THOC1: variants seen among roughly 807,000 people sequenced by gnomAD.
THOC1 encodes the protein THO complex subunit 1, also known as THO complex 1.
Under a neutral mutation model 97.3 loss-of-function variants are expected in THOC1, and 29 were observed. The ratio of observed to expected loss-of-function variants is 0.30; its 90% CI spans 0.22 to 0.41. The LOEUF (loss-of-function observed/expected upper bound fraction) is 0.41, where lower values mean the gene tolerates loss of function less well. Among genes scored for constraint, THOC1 ranks in the 10% least tolerant of loss-of-function variants. THOC1 has a pLI of 1.00. For missense variants in THOC1, 529 were observed against 761.9 expected (o/e 0.69, Z 3.60); for synonymous variants, 255 against 257.0 (o/e 0.99, Z 0.07).
chr18:225,991 C>T (rs1356088653), intron 12 of THOC1: 1 of 152,342 alleles, frequency 6.6e-6, no homozygotes, highest in Non-Finnish European at 1.5e-5. Flanking sequence ...TACCGTGTCT[C>T]ACTGATTTGC....
At chr18:265,155 G>A (rs946378243) in intron 3 of THOC1, 148 bp downstream of exon 3, 10 of 643,106 alleles carry the variant, frequency 1.6e-5, no homozygotes, top group Non-Finnish European at 2.4e-5. Flanking sequence ...TAGAGAAATC[G>A]TATAGTCATC....
intron 20 of THOC1, among the ~76,000 whole-genome samples, chr18:215,145 G>A (rs572136978): frequency 6.6e-6 from 1 of 152,302 alleles, no homozygotes; most frequent in Non-Finnish European, 1.5e-5. Context: ...TCCCTGAAAT[G>A]AGGTGCTCCC....
chr18:238,659 A>G (rs761007870), intron 11 of THOC1, among the ~76,000 whole-genome samples: 1 of 152,240 alleles, frequency 6.6e-6, no homozygotes, highest in African/African-American at 2.4e-5. Flanking sequence ...TATATAATCT[A>G]TAATCTTACA....
chr18:250,568 A>G (rs1421409075), intron 9 of THOC1, among the ~76,000 whole-genome samples: 1 of 152,226 alleles, frequency 6.6e-6, no homozygotes, highest in Non-Finnish European at 1.5e-5. Flanking sequence ...TATACATTGA[A>G]ATTTCTTAAC....
chr18:223,783 G>A (rs1911174233), intron 16 of THOC1, among the ~76,000 whole-genome samples: 1 of 152,096 alleles, frequency 6.6e-6, no homozygotes, highest in African/African-American at 2.4e-5. Context: ...TAACTGGAAG[G>A]TAAGAGAACT....
chr18:260,107 T>G (rs1912557149), intron 5 of THOC1, 79 bp downstream of exon 5: 2 of 925,314 alleles, frequency 2.2e-6, no homozygotes, highest in South Asian at 5.1e-5. Flanking sequence ...ACAAATAAAT[T>G]TAAAAAAAAA....
intron 11 of THOC1, among the ~76,000 whole-genome samples, chr18:231,705 C>T (rs1911491321): frequency 1.3e-5 from 2 of 152,174 alleles, no homozygotes. Flanking sequence ...TATAACCCTC[C>T]CCACTCCTAT....
At chr18:234,727 T>C (rs1209991628) in intron 11 of THOC1, among the ~76,000 whole-genome samples, 1 of 152,068 alleles carries the variant, frequency 6.6e-6, no homozygotes, top group Non-Finnish European at 1.5e-5. Flanking sequence ...TGATGAACCA[T>C]ACTTACATTC....
intron 1 of THOC1, among the ~76,000 whole-genome samples, chr18:267,646 T>C (rs1037677594): frequency 1.3e-5 from 2 of 151,996 alleles, no homozygotes; most frequent in African/African-American, 4.8e-5. Context: ...TCGAGACACC[T>C]GCCCCACTAA....
Position 224,148 on chromosome 18 carries a change from G to A in THOC1, c.1240C>T (p.Arg414Trp), listed in dbSNP as rs947264802. The A allele has an allele frequency of 6.2e-6, 10 of 1,610,702 alleles. No individual in the cohort carries two copies. In the East Asian group the frequency reaches 8.9e-5, roughly 14 times the overall value. Residue 414 changes from arginine to tryptophan, a missense_variant, in exon 16 of 21, where the codon CGG becomes TGG. Physicochemically the swap from Arg to Trp is moderately radical, Grantham distance 101. Transcript: ENST00000261600. ...AAGTCCTCGGGTGCTGTTCTCTTCC[G>A]AATTATTCTCGTAGGTTTGGTATCT... ...TSDTKPTRII[R>W]KRTAPEDFLG...
At position 216,485 on chromosome 18, in the gene THOC1, C is replaced by A. The variant is rs749590490; in HGVS notation, c.1602+1G>T. 1.2e-6 allele frequency: 2 copies of A among 1,613,552 alleles called. No homozygotes were observed. Among genetic ancestry groups the A allele is most frequent in the South Asian group, 1.1e-5 (1 of 90,978 alleles). On this transcript the variant is annotated splice_donor_variant, in intron 19 of 20. Transcript: ENST00000261600. LOFTEE classifies it high-confidence loss of function. ...ATGAAAAGTTGATCTATGGTACTTA[C>A]CGGTAATTCCTTGGCTAGCTTTATT...
chr18:259,826 T>G (rs1020911090), intron 5 of THOC1, 96 bp from the exon 6 acceptor site: 23 of 838,874 alleles, frequency 2.7e-5, no homozygotes, highest in Non-Finnish European at 3.9e-5. Context: ...AACACTAACA[T>G]GCACTGAGAA....
chr18:230,877 C>T (rs748051696), intron 11 of THOC1, among the ~76,000 whole-genome samples: 10 of 152,112 alleles, frequency 6.6e-5, no homozygotes, highest in South Asian at 4.1e-4. Flanking sequence ...CTAGGACCAC[C>T]GGCATATGCC....
At chr18:250,743 G>C (rs1237346281) in intron 9 of THOC1, among the ~76,000 whole-genome samples, 1 of 152,174 alleles carries the variant, frequency 6.6e-6, no homozygotes, top group African/African-American at 2.4e-5. Context: ...TTCAACATTA[G>C]TGACTGTGAC....
chr18:258,388 C>T (rs1458733128), intron 7 of THOC1, among the ~76,000 whole-genome samples: 1 of 152,046 alleles, frequency 6.6e-6, no homozygotes, highest in Non-Finnish European at 1.5e-5. Context: ...AAAATGATCA[C>T]AGACAGAAAG....
Position 260,190 on chromosome 18 carries a change from T to C in THOC1, c.371A>G (p.Lys124Arg), listed in dbSNP as rs1263393932. 1 of 1,549,366 alleles carries C rather than the reference T, an allele frequency of 6.5e-7. No individual in the cohort carries two copies. The highest frequency in any genetic ancestry group is 8.7e-7 in the Non-Finnish European group (1 of 1,149,286). The change falls in exon 5 of 21, where the codon AAA becomes AGA. Residue 124 changes from lysine (K) to arginine (R), a missense_variant. This residue lies in a region of THOC1 where 49 missense variants were observed against 91.7 expected (regional missense o/e 0.53). Transcript: ENST00000261600. ...TFVEKNVATW[K>R]SNTFYSAGKN... ...AAAAGAAACTAAGGCACTTACTGAT[T>C]TCCAAGTAGCAACATTTTTTTCCAC...
At chr18:252,492 A>C in intron 9 of THOC1, 47 bp downstream of exon 9, 4 of 1,379,744 alleles carry the variant, frequency 2.9e-6, no homozygotes, top group Non-Finnish European at 4.1e-6. Context: ...TCAATAAATT[A>C]GGAGATTATC....
intron 4 of THOC1, among the ~76,000 whole-genome samples, chr18:263,197 C>T (rs991167622): frequency 5.3e-5 from 8 of 152,168 alleles, no homozygotes; most frequent in South Asian, 2.1e-4. Context: ...TCTCCTGCCT[C>T]GGCCTCCTGA....
chr18:250,073 T>C lies in THOC1; in HGVS notation c.678-2116A>G, dbSNP rs138835909. 1.9e-3 allele frequency among the ~76,000 whole-genome samples: 288 copies of C among 152,346 alleles called. 3 individuals carry two copies. Among genetic ancestry groups the C allele is most frequent in the African/African-American group, 6.3e-3 (260 of 41,588 alleles). The stretch of plus-strand genomic sequence containing the variant: ...GTTGCTAATTACCATCTCCTACCTG[T>C]AAAAGACTTTTGATCTCTTCCCTTT... On this transcript the variant is annotated intron_variant, in intron 9 of 20. Coordinates refer to ENST00000261600, the MANE Select transcript of THOC1 (RefSeq NM_005131.3).
Sources: allele counts gnomAD v4.1 joint callset (sites outside exome capture counted in the v4.1 genomes callset), GRCh38; gene constraint gnomAD v4.1.1; regional missense constraint gnomAD v4.1.1; transcripts MANE v1.5; gene names NCBI Gene and HGNC (gene_info 2026-07-23, HGNC 2026-07-21).